ADAMTS12: variants seen among roughly 807,000 people sequenced by gnomAD.
ADAMTS12 encodes A disintegrin and metalloproteinase with thrombospondin motifs 12.
Under a neutral mutation model 167.8 loss-of-function variants are expected in ADAMTS12, and 118 were observed. The observed-to-expected ratio is 0.70, with a 90% CI of 0.61 to 0.82. The LOEUF (loss-of-function observed/expected upper bound fraction) is 0.82, where lower values mean the gene tolerates loss of function less well. ADAMTS12 is among the 40% of genes least tolerant of loss of function. ADAMTS12 has a pLI of 0.00. For synonymous variants in ADAMTS12, 704 were observed against 716.9 expected, an observed-to-expected ratio of 0.98 and a Z score of 0.29; for missense variants, 1,916 against 1,998.8, an observed-to-expected ratio of 0.96 and a Z score of 0.79.
chr5:33,845,718 T>TA (rs1161939541), intron 2 of ADAMTS12, among the ~76,000 whole-genome samples: 1 of 152,040 alleles, frequency 6.6e-6, no homozygotes, highest in East Asian at 1.9e-4. Flanking sequence ...TCAAAATGAG[T>TA]AGCAGAAATG....
intron 16 of ADAMTS12, among the ~76,000 whole-genome samples, chr5:33,608,069 G>A (rs918471421): frequency 2.6e-5 from 4 of 152,230 alleles, no homozygotes; most frequent in African/African-American, 9.6e-5. Flanking sequence ...AGTTCCTGGA[G>A]GGTGGAGCAC....
chr5:33,708,290 G>A (rs185114053), intron 3 of ADAMTS12, among the ~76,000 whole-genome samples: 1 of 152,196 alleles, frequency 6.6e-6, no homozygotes, highest in African/African-American at 2.4e-5. Context: ...TAAAAAGTCA[G>A]GAAACAACAG....
At chr5:33,568,159 A>G (rs1298820461) in intron 19 of ADAMTS12, among the ~76,000 whole-genome samples, 1 of 152,246 alleles carries the variant, frequency 6.6e-6, no homozygotes, top group Non-Finnish European at 1.5e-5. Flanking sequence ...GTCAGGAGTC[A>G]TAAGACCCAT....
chr5:33,812,995 A>G (rs748936344), intron 2 of ADAMTS12, among the ~76,000 whole-genome samples: 6 of 152,258 alleles, frequency 3.9e-5, no homozygotes, highest in African/African-American at 9.6e-5. Context: ...AATCAAAGCA[A>G]AAGTCAAACA....
intron 2 of ADAMTS12, among the ~76,000 whole-genome samples, chr5:33,831,717 A>G (rs531227287): frequency 2.0e-5 from 3 of 152,328 alleles, no homozygotes; most frequent in Admixed American, 1.3e-4. Context: ...AGACTGCTTA[A>G]TCACCTTCTT....
intron 3 of ADAMTS12, among the ~76,000 whole-genome samples, chr5:33,735,626 C>T (rs778804854): frequency 6.6e-6 from 1 of 152,132 alleles, no homozygotes; most frequent in East Asian, 1.9e-4. Flanking sequence ...TGGTCTTGAT[C>T]CCAACTGCCC....
chr5:33,771,313 G>T (rs1481962864), intron 2 of ADAMTS12, among the ~76,000 whole-genome samples: 2 of 152,048 alleles, frequency 1.3e-5, no homozygotes, highest in African/African-American at 4.8e-5. Flanking sequence ...AATTACAATG[G>T]GTTTGGAAGG....
At position 33,797,964 on chromosome 5, in the gene ADAMTS12, G is replaced by C. The variant is rs150081928; in HGVS notation, c.490-46416C>G. Among the ~76,000 whole-genome samples the C allele has an allele frequency of 5.6e-4, 85 of 152,332 alleles. No homozygotes were observed. The East Asian group carries it at 0.013, about 24-fold the overall frequency. ...AAAGGCTTATAGCAAGTATAGACTT[G>C]AAGAGTTTATTTCATCCATCCTACT... On this transcript the variant is annotated intron_variant, in intron 2 of 23. Coordinates refer to ENST00000504830, the MANE Select transcript of ADAMTS12 (RefSeq NM_030955.4).
intron 3 of ADAMTS12, among the ~76,000 whole-genome samples, chr5:33,749,659 G>A (rs1252478184): frequency 1.3e-5 from 2 of 152,094 alleles, no homozygotes; most frequent in Non-Finnish European, 2.9e-5. Flanking sequence ...AATCAGAGAA[G>A]GTTCTTTAGA....
At chr5:33,615,677 G>T in intron 15 of ADAMTS12, 151 bp downstream of exon 15, 1 of 1,133,564 alleles carries the variant, frequency 8.8e-7, no homozygotes, top group Non-Finnish European at 1.2e-6. Context: ...AGGATTAACA[G>T]CACAAACTAA....
intron 2 of ADAMTS12, among the ~76,000 whole-genome samples, chr5:33,786,488 T>C (rs1007137879): frequency 4.6e-5 from 7 of 151,594 alleles, no homozygotes; most frequent in Non-Finnish European, 5.9e-5. Flanking sequence ...CACATAGACT[T>C]CCTCCTCCGT....
intron 2 of ADAMTS12, among the ~76,000 whole-genome samples, chr5:33,849,710 T>C (rs146769016): frequency 0.091 from 10,817 of 118,944 alleles, 1,027 homozygotes; most frequent in African/African-American, 0.33. Flanking sequence ...ATGTATTGCA[T>C]AGCAATATAT....
intron 3 of ADAMTS12, among the ~76,000 whole-genome samples, chr5:33,738,636 C>T (rs1056029346): frequency 2.6e-5 from 4 of 152,202 alleles, no homozygotes; most frequent in Middle Eastern, 3.2e-3. Context: ...ATTTGCAATG[C>T]CTGTCTTCTG....
intron 3 of ADAMTS12, among the ~76,000 whole-genome samples, chr5:33,686,932 T>TAG (rs748993264): frequency 1.4e-4 from 18 of 129,756 alleles, no homozygotes; most frequent in African/African-American, 4.3e-4. Flanking sequence ...AATATATATA[T>TAG]ATATAGAGAG....
intron 2 of ADAMTS12, among the ~76,000 whole-genome samples, chr5:33,849,391 T>TATATATATATGTATTGAATAGCA (rs1749107974): frequency 1.5e-4 from 22 of 144,352 alleles, no homozygotes; most frequent in East Asian, 6.2e-4. Flanking sequence ...TGCACAGCAA[T>TATATATATATGTATTGAATAGCA]ATATATATAT....
rs574304898 is a variant in ADAMTS12, at chr5:33,723,114, TATGCCTTGCTCTAA to T, written c.634+28276_634+28289del. On this transcript the variant is annotated intron_variant, in intron 3 of 23. Transcript: ENST00000504830. Reference sequence around the variant, plus strand: ...CTGTCATTCATACCTGGATGACAGGTATGCCTTGCTCTAAATGCCTTGCTCTCCTCCTATGCCCT... The same window carrying T: ...CTGTCATTCATACCTGGATGACAGGTATGCCTTGCTCTCCTCCTATGCCCT... Among the ~76,000 whole-genome samples the T allele has an allele frequency of 2.6e-5, 4 of 152,216 alleles. No homozygotes were observed. In the South Asian group the frequency reaches 8.3e-4, roughly 32 times the overall value.
At chr5:33,867,195 A>G (rs1393029121) in intron 2 of ADAMTS12, among the ~76,000 whole-genome samples, 1 of 152,234 alleles carries the variant, frequency 6.6e-6, no homozygotes, top group East Asian at 1.9e-4. Flanking sequence ...AATTGCAAAG[A>G]CATGGAACCG....
chr5:33,835,216 G>A (rs962578967), intron 2 of ADAMTS12, among the ~76,000 whole-genome samples: 19 of 152,162 alleles, frequency 1.2e-4, no homozygotes, highest in African/African-American at 3.6e-4. Flanking sequence ...TCCCAGGACC[G>A]TAAGACCAAA....
intron 6 of ADAMTS12, 43 bp downstream of exon 6, chr5:33,661,872 TC>T (rs758926396): frequency 5.6e-6 from 9 of 1,610,360 alleles, no homozygotes; most frequent in Non-Finnish European, 7.6e-6. Flanking sequence ...CTGCCATCCC[TC>T]CCTGCTTTAC....
Sources: gnomAD v4.1 joint callset for allele counts (sites outside exome capture counted in the v4.1 genomes callset) on GRCh38, gnomAD v4.1.1 for gene constraint, MANE v1.5 for transcripts, NCBI Gene and HGNC (gene_info 2026-07-23, HGNC 2026-07-21) for gene names.